Variants in FOXP1 observed in about 807,000 individuals in gnomAD.
FOXP1 encodes forkhead box protein P1.
In FOXP1, 15 loss-of-function variants were observed where a neutral mutation model predicts 98.2. That is an observed-to-expected ratio of 0.15 (90% confidence interval 0.10 to 0.24). The LOEUF (loss-of-function observed/expected upper bound fraction) is 0.24, where lower values mean the gene tolerates loss of function less well. Among genes scored for constraint, FOXP1 ranks in the 10% least tolerant of loss-of-function variants. The pLI is 1.00. For missense variants in FOXP1, 633 were observed against 848.5 expected, an observed-to-expected ratio of 0.75 and a Z score of 3.15; for synonymous variants, 371 against 314.5, an observed-to-expected ratio of 1.18 and a Z score of -1.90.
At chr3:71,468,735 G>A (rs940774527) in intron 3 of FOXP1, among the ~76,000 whole-genome samples, 4 of 152,096 alleles carry the variant, frequency 2.6e-5, no homozygotes, top group Admixed American at 2.6e-4. Flanking sequence ...ACAAGTCACT[G>A]GCCGTGACTC....
At chr3:71,582,395 C>T in intron 1 of FOXP1, 1 of 981,892 alleles carries the variant, frequency 1.0e-6, no homozygotes, top group Non-Finnish European at 1.2e-6. Context: ...CCGCCGTGGT[C>T]CCCACTCGAA....
At chr3:70,977,156 G>C in intron 16 of FOXP1, 114 bp from the exon 17 acceptor site, 1 of 760,834 alleles carries the variant, frequency 1.3e-6, no homozygotes, top group Non-Finnish European at 2.3e-6. Context: ...CCTGAGAAAG[G>C]TTTTACAAAA....
chr3:70,972,730 A>G (rs539959965), intron 17 of FOXP1, 54 bp from the exon 18 acceptor site: 1 of 1,584,604 alleles, frequency 6.3e-7, no homozygotes, highest in African/African-American at 1.3e-5. Flanking sequence ...AAAAGACTCC[A>G]AAAACAGCAG....
At chr3:71,409,876 G>A (rs1323544354) in intron 3 of FOXP1, among the ~76,000 whole-genome samples, 2 of 152,136 alleles carry the variant, frequency 1.3e-5, no homozygotes, top group African/African-American at 4.8e-5. Flanking sequence ...TTAGCCAGGT[G>A]TGGTAGCATG....
chr3:71,228,194 C>G (rs1204089806), intron 5 of FOXP1, among the ~76,000 whole-genome samples: 1 of 152,156 alleles, frequency 6.6e-6, no homozygotes, highest in Admixed American at 6.5e-5. Context: ...TTAGGGAGTT[C>G]TAGGTCACTG....
intron 4 of FOXP1, among the ~76,000 whole-genome samples, chr3:71,343,254 G>C (rs1378093902): frequency 6.6e-6 from 1 of 152,166 alleles, no homozygotes; most frequent in Admixed American, 6.5e-5. Flanking sequence ...ACAGAATGTA[G>C]CCTACTCTAA....
rs375972556 is a variant in FOXP1, at chr3:71,302,387, C to A, written c.-72-2507G>T. Among the ~76,000 whole-genome samples, 7 of 151,788 alleles carry A rather than the reference C, an allele frequency of 4.6e-5. No homozygotes were observed. The East Asian group carries it at 1.4e-3, about 29-fold the overall frequency. On this transcript the variant is annotated intron_variant, in intron 4 of 20. Coordinates refer to ENST00000649528, the MANE Select transcript of FOXP1 (RefSeq NM_001349338.3). ...TTCCAAAGCATACAACTTCCCTTTC[C>A]AATACTATATTTGCTATTTTCTTTA... is the stretch of plus-strand genomic sequence containing the variant.
intron 6 of FOXP1, among the ~76,000 whole-genome samples, chr3:71,168,388 T>C (rs2061488552): frequency 6.6e-6 from 1 of 152,226 alleles, no homozygotes; most frequent in Non-Finnish European, 1.5e-5. Context: ...TTTTTCACTA[T>C]TATTAAACTG....
intron 3 of FOXP1, among the ~76,000 whole-genome samples, chr3:71,399,982 T>C (rs1198641822): frequency 6.6e-6 from 1 of 152,268 alleles, no homozygotes; most frequent in African/African-American, 2.4e-5. Flanking sequence ...AGACAAAAAA[T>C]TGAAACTCAA....
chr3:71,004,637 G>T (rs954834967), intron 12 of FOXP1, among the ~76,000 whole-genome samples: 1 of 151,986 alleles, frequency 6.6e-6, no homozygotes, highest in African/African-American at 2.4e-5. Context: ...ACTTAAAAAA[G>T]AAAGACTTTC....
At chr3:71,209,874 T>C (rs963222956) in intron 5 of FOXP1, among the ~76,000 whole-genome samples, 2 of 152,216 alleles carry the variant, frequency 1.3e-5, no homozygotes, top group Non-Finnish European at 2.9e-5. Context: ...CCTCCTTCCA[T>C]TACTTAAAAT....
chr3:71,255,466 C>T (rs1297123132), intron 5 of FOXP1, among the ~76,000 whole-genome samples: 3 of 152,072 alleles, frequency 2.0e-5, no homozygotes, highest in Non-Finnish European at 4.4e-5. Context: ...TATTATGTTT[C>T]CTCGCTTTCA....
At chr3:71,159,197 A>G (rs2061011347) in intron 6 of FOXP1, among the ~76,000 whole-genome samples, 2 of 152,074 alleles carry the variant, frequency 1.3e-5, no homozygotes, top group African/African-American at 4.8e-5. Context: ...AGTAATGTAT[A>G]AAGGACCTGC....
At chr3:71,033,979 T>C (rs1002328287) in intron 11 of FOXP1, among the ~76,000 whole-genome samples, 3 of 152,086 alleles carry the variant, frequency 2.0e-5, no homozygotes, top group Non-Finnish European at 4.4e-5. Context: ...AGAGTCTGCT[T>C]TGGAGCAAAA....
chr3:71,046,869 ATACCAAGAGACAACC>A, intron 10 of FOXP1, 58 bp downstream of exon 10: 1 of 1,517,728 alleles, frequency 6.6e-7, no homozygotes, highest in Non-Finnish European at 9.1e-7. Context: ...CTTAACAAAT[ATACCAAGAGACAACC>A]CACCACCTCC....
intron 2 of FOXP1, among the ~76,000 whole-genome samples, chr3:71,578,914 C>T (rs145018264): frequency 1.3e-5 from 2 of 152,196 alleles, no homozygotes; most frequent in East Asian, 1.9e-4. Context: ...ATATTTATAG[C>T]GTTTTCAAAA....
chr3:71,505,109 T>A (rs562018722), intron 2 of FOXP1, among the ~76,000 whole-genome samples: 2 of 152,354 alleles, frequency 1.3e-5, no homozygotes, highest in South Asian at 4.1e-4. Flanking sequence ...AGTACCATTT[T>A]TCCAACAGCT....
intron 6 of FOXP1, among the ~76,000 whole-genome samples, chr3:71,186,238 G>C (rs2062636640): frequency 1.3e-5 from 2 of 152,208 alleles, no homozygotes; most frequent in African/African-American, 4.8e-5. Flanking sequence ...GACTCACTAA[G>C]TGAGTCCAAC....
At chr3:71,147,285 C>T (rs929729410) in intron 6 of FOXP1, among the ~76,000 whole-genome samples, 2 of 152,136 alleles carry the variant, frequency 1.3e-5, no homozygotes, top group African/African-American at 4.8e-5. Context: ...ATTTTGTGCT[C>T]AGGATCAAAG....
Sources: allele counts gnomAD v4.1 joint callset (sites outside exome capture counted in the v4.1 genomes callset), GRCh38; gene constraint gnomAD v4.1.1; transcripts MANE v1.5; gene names NCBI Gene and HGNC (gene_info 2026-07-23, HGNC 2026-07-21).